The following TTC6 variants were observed in gnomAD, a reference collection of about 807,000 sequenced individuals.
TTC6 encodes tetratricopeptide repeat protein 6.
A neutral mutation model predicts 210.4 loss-of-function variants in TTC6; 172 were observed. The observed-to-expected ratio is 0.82, with a 90% CI of 0.72 to 0.93. TTC6 has a LOEUF of 0.93. Ranked by LOEUF, TTC6 falls within the 40% of genes least tolerant of loss-of-function variation. The pLI, the probability that TTC6 is intolerant of heterozygous loss-of-function variation, is 0.00. For missense variants in TTC6, 2,414 were observed against 2,318.1 expected, an observed-to-expected ratio of 1.04 and a Z score of -0.85; for synonymous variants, 804 against 819.6, an observed-to-expected ratio of 0.98 and a Z score of 0.32.
chr14:37,836,052 C>A (rs994822156), intron 29 of TTC6, among the ~76,000 whole-genome samples: 1 of 152,160 alleles, frequency 6.6e-6, no homozygotes, highest in African/African-American at 2.4e-5. Flanking sequence ...GTTGCTAAAA[C>A]TGGATATTTT....
At chr14:37,720,811 T>G (rs971654011) in intron 6 of TTC6, among the ~76,000 whole-genome samples, 20 of 152,062 alleles carry the variant, frequency 1.3e-4, no homozygotes, top group Non-Finnish European at 2.6e-4. Flanking sequence ...AATAGAATAG[T>G]GGTTTCCAGG....
intron 5 of TTC6, among the ~76,000 whole-genome samples, chr14:37,705,247 C>T (rs1476030502): frequency 6.6e-6 from 1 of 152,076 alleles, no homozygotes; most frequent in Non-Finnish European, 1.5e-5. Context: ...GTGGACAGAT[C>T]ATTAGCTTTA....
At chr14:37,716,832 C>G (rs371039853) in intron 6 of TTC6, among the ~76,000 whole-genome samples, 3 of 152,174 alleles carry the variant, frequency 2.0e-5, no homozygotes, top group East Asian at 3.9e-4. Context: ...TTATAGAACA[C>G]TGTACCCAAC....
chr14:37,744,137 A>G (rs1409609516), intron 10 of TTC6, among the ~76,000 whole-genome samples: 2 of 152,212 alleles, frequency 1.3e-5, no homozygotes, highest in Non-Finnish European at 2.9e-5. Context: ...CATGGCACAT[A>G]GTAGGAATTC....
intron 4 of TTC6, among the ~76,000 whole-genome samples, chr14:37,699,010 G>A (rs771701229): frequency 3.9e-5 from 6 of 152,074 alleles, no homozygotes; most frequent in Non-Finnish European, 7.3e-5. Flanking sequence ...GCTAATCTCT[G>A]AATCAGTGCC....
At chr14:37,709,904 G>C (rs769402582) in intron 5 of TTC6, among the ~76,000 whole-genome samples, 4 of 152,052 alleles carry the variant, frequency 2.6e-5, no homozygotes, top group Non-Finnish European at 4.4e-5. Context: ...GCTTTTTCCA[G>C]ACCTTGGCAT....
At chr14:37,597,032 G>A (rs544096575) in intron 1 of TTC6, among the ~76,000 whole-genome samples, 1 of 150,600 alleles carries the variant, frequency 6.6e-6, no homozygotes, top group Non-Finnish European at 1.5e-5. Context: ...TTACAAAAAG[G>A]GTGGGGGGGT....
intron 14 of TTC6, among the ~76,000 whole-genome samples, chr14:37,774,376 A>G (rs1038174192): frequency 1.3e-5 from 2 of 152,048 alleles, no homozygotes; most frequent in South Asian, 2.1e-4. Flanking sequence ...TGTCCATCCA[A>G]TTTGGTGTTG....
intron 14 of TTC6, among the ~76,000 whole-genome samples, chr14:37,785,313 G>T (rs1186068211): frequency 6.6e-6 from 1 of 152,116 alleles, no homozygotes; most frequent in African/African-American, 2.4e-5. Context: ...TGGAGGCTTT[G>T]TTTATTTCTT....
intron 4 of TTC6, among the ~76,000 whole-genome samples, chr14:37,697,156 G>C (rs1390586459): frequency 6.6e-6 from 1 of 152,044 alleles, no homozygotes; most frequent in East Asian, 1.9e-4. Context: ...TGTAATGCCT[G>C]ATTTGGATCA....
chr14:37,842,502 C>T, downstream of TTC6: 2 of 371,338 alleles, frequency 5.4e-6, no homozygotes, highest in Non-Finnish European at 9.0e-6. Flanking sequence ...ACCTTGAGAA[C>T]TGAATTTTTC....
intron 3 of TTC6, among the ~76,000 whole-genome samples, chr14:37,683,716 A>G (rs1156322898): frequency 1.3e-5 from 2 of 151,964 alleles, no homozygotes; most frequent in South Asian, 2.1e-4. Context: ...AGCATAATGT[A>G]TATAAGGTTC....
intron 14 of TTC6, among the ~76,000 whole-genome samples, chr14:37,754,088 A>C (rs977839951): frequency 6.6e-6 from 1 of 151,976 alleles, no homozygotes; most frequent in African/African-American, 2.4e-5. Flanking sequence ...ATATTATTTT[A>C]TTTTAGTTTA....
In TTC6 at chr14:37,729,936, G is replaced by A. The variant is rs80277480; in HGVS notation, c.1818+4934G>A. On this transcript the variant is annotated intron_variant, in intron 7 of 30. Coordinates refer to ENST00000553443, the Ensembl canonical transcript of TTC6. The stretch of plus-strand genomic sequence containing the variant: ...AGTGAAATTGTAGCAGGAATAGGAA[G>A]AATTAGTGAGAACTGGTGACCATGG... 5.3e-3 allele frequency among the ~76,000 whole-genome samples: 811 copies of A among 152,300 alleles called. 3 individuals are homozygous for A. Among genetic ancestry groups the A allele is most frequent in the Non-Finnish European group, 7.9e-3 (535 of 68,020 alleles).
At chr14:37,597,328 A>G (rs1374766654) in intron 1 of TTC6, among the ~76,000 whole-genome samples, 1 of 152,064 alleles carries the variant, frequency 6.6e-6, no homozygotes, top group Non-Finnish European at 1.5e-5. Flanking sequence ...TCTGGAGGTG[A>G]TTCTCCAATA....
At chr14:37,787,328 C>T in intron 14 of TTC6, 140 bp from the exon 17 acceptor site, 1 of 599,624 alleles carries the variant, frequency 1.7e-6, no homozygotes. Context: ...TTGCTGTTAA[C>T]ATCATGACTA....
chr14:37,757,531 C>T lies in TTC6; in HGVS notation c.3266+4296C>T, dbSNP rs554385846. Among the ~76,000 whole-genome samples, 29 of 152,234 alleles carry T rather than the reference C, an allele frequency of 1.9e-4. No individual in the cohort carries two copies. The South Asian group carries it at 5.4e-3, about 28-fold the overall frequency. On this transcript the variant is annotated intron_variant, in intron 14 of 30. Coordinates refer to ENST00000553443, the Ensembl canonical transcript of TTC6. ...CTCGTGATCCACCCACCTTGGCCTT[C>T]CAAAATGCTGGGATTACAGGCATGA...
rs1251150446 is a variant in TTC6 at position 37,820,906 on chromosome 14, C to CT, written c.4764-2840dup. 6.3e-4 allele frequency among the ~76,000 whole-genome samples: 95 copies of CT among 150,202 alleles called. 1 individual carries two copies. Among genetic ancestry groups the CT allele is most frequent in the Middle Eastern group, 6.8e-3 (2 of 292 alleles). On this transcript the variant is annotated intron_variant, in intron 26 of 30. Transcript: ENST00000553443. ...CCTCCTTCTCCTCCTTCTCCTCCTTCTCCTCCTCCTTCTCCTCCTTCTTCT... is the reference window on the plus strand; with the variant it reads ...CCTCCTTCTCCTCCTTCTCCTCCTTCTTCCTCCTCCTTCTCCTCCTTCTTCT...
rs1384809742 is a variant in TTC6 at position 37,633,978 on chromosome 14, G to T, written c.939+10975G>T. On this transcript the variant is annotated intron_variant, in intron 1 of 30. Coordinates refer to ENST00000553443, the Ensembl canonical transcript of TTC6. ...CCTGCGCTGCCTCTTTTAGAGCAGT[G>T]TCAGAGAAAGCCAGCTAAAACAGAA... Among the ~76,000 whole-genome samples, 3 of 152,178 alleles carry T rather than the reference G, an allele frequency of 2.0e-5. No individual in the cohort carries two copies. The East Asian group carries it at 5.8e-4, about 29-fold the overall frequency.
Sources: allele counts gnomAD v4.1 joint callset (sites outside exome capture counted in the v4.1 genomes callset), GRCh38; gene constraint gnomAD v4.1.1; transcripts MANE v1.5; gene names NCBI Gene and HGNC (gene_info 2026-07-23, HGNC 2026-07-21).